STK10: variants seen among roughly 807,000 people sequenced by gnomAD.
STK10 encodes the protein serine/threonine kinase 10, also known as serine/threonine-protein kinase 10.
Under a neutral mutation model 113.8 loss-of-function variants are expected in STK10, and 78 were observed. That is an observed-to-expected ratio of 0.69 (90% CI 0.57 to 0.83). The LOEUF is 0.83. Among genes scored for constraint, STK10 ranks in the 40% least tolerant of loss-of-function variants. The pLI, the probability that STK10 is intolerant of heterozygous loss-of-function variation, is 0.00. For synonymous variants in STK10, 465 were observed against 494.7 expected, an observed-to-expected ratio of 0.94 and a Z score of 0.80; for missense variants, 1,109 against 1,280.1, an observed-to-expected ratio of 0.87 and a Z score of 2.04.
chr5:172,090,614 C>T (rs1471300870), intron 9 of STK10, among the ~76,000 whole-genome samples: 1 of 152,140 alleles, frequency 6.6e-6, no homozygotes, highest in Non-Finnish European at 1.5e-5. Context: ...GCCAGCACCT[C>T]TCATGCATCC....
At chr5:172,154,273 T>G (rs1313030922) in intron 2 of STK10, among the ~76,000 whole-genome samples, 1 of 152,232 alleles carries the variant, frequency 6.6e-6, no homozygotes, top group Non-Finnish European at 1.5e-5. Flanking sequence ...GGTTGTACTT[T>G]GAGAACCACT....
chr5:172,064,764 T>C lies in STK10; in HGVS notation c.2038A>G (p.Met680Val), dbSNP rs1422052045. Residue 680 changes from methionine to valine, a missense_variant, in exon 13 of 19, where the codon ATG (methionine) becomes GTG (valine). By Grantham distance (21) the Met-to-Val change is conservative. This residue lies in a region of STK10 where 885 missense variants were observed against 991.1 expected (regional missense o/e 0.89). Transcript: ENST00000176763. ...GTGTGCTCCTCCATCTTCTGCTTCA[T>C]GCTTTCCTTCCGCTGCTGTCGGGGG... ...KLPRQQRKESMKQKMEEHTQK... is the reference protein window; with the variant it reads ...KLPRQQRKESVKQKMEEHTQK... 6.2e-7 allele frequency: 1 copy of C among 1,614,188 alleles called. No homozygotes were observed. The highest frequency in any genetic ancestry group is 8.5e-7 in the Non-Finnish European group (1 of 1,180,022).
chr5:172,078,811 A>G (rs1253517018), intron 12 of STK10, among the ~76,000 whole-genome samples: 1 of 151,924 alleles, frequency 6.6e-6, no homozygotes, highest in Non-Finnish European at 1.5e-5. Flanking sequence ...GCCTTCCTGG[A>G]ACCCTGCTGG....
intron 2 of STK10, among the ~76,000 whole-genome samples, chr5:172,151,621 G>A (rs1581180311): frequency 6.6e-6 from 1 of 152,326 alleles, no homozygotes; most frequent in Non-Finnish European, 1.5e-5. Context: ...TGAGATTACA[G>A]GCGTGAGCCA....
At chr5:172,061,072 C>G (rs1312197500) in intron 14 of STK10, 67 bp downstream of exon 14, 1 of 1,509,098 alleles carries the variant, frequency 6.6e-7, no homozygotes, top group East Asian at 2.4e-5. Flanking sequence ...GCCCACCCCA[C>G]TTCCCAGGGC....
chr5:172,126,154 G>C (rs1296201967), intron 3 of STK10, among the ~76,000 whole-genome samples: 1 of 152,212 alleles, frequency 6.6e-6, no homozygotes, highest in African/African-American at 2.4e-5. Flanking sequence ...GCCCTGAAGG[G>C]TAGCATGAGC....
Position 172,187,209 on chromosome 5 carries a change from G to C in STK10, c.156+678C>G, listed in dbSNP as rs933695750. ...CTCTCTGCCGCGTCTTCCTCTAGGGGAGAGGTGACTGCAGGCTGGGAGACT... is the reference window on the plus strand; with the variant it reads ...CTCTCTGCCGCGTCTTCCTCTAGGGCAGAGGTGACTGCAGGCTGGGAGACT... On this transcript the variant is annotated intron_variant, in intron 1 of 18. Transcript: ENST00000176763. The surrounding 1 kb of genome is among the most constrained non-coding windows in gnomAD (Gnocchi z 4.6). Among the ~76,000 whole-genome samples the C allele has an allele frequency of 6.6e-6, 1 of 152,100 alleles. No individual in the cohort carries two copies. The highest frequency in any genetic ancestry group is 1.9e-4 in the East Asian group (1 of 5,176).
rs779586304 is a variant in STK10, at chr5:172,052,959, T to C, written c.2736A>G (p.Glu912=). The C allele has an allele frequency of 3.3e-5, 53 of 1,614,084 alleles. No homozygotes were observed. Among genetic ancestry groups the C allele is most frequent in the Non-Finnish European group, 4.2e-5 (49 of 1,180,040 alleles). Residue 912 remains glutamate, a synonymous_variant, in exon 18 of 19, where the codon GAA becomes GAG. Transcript: ENST00000176763. ...LDESHNQNLK[E]WRDKLRPRKK... is the part of the protein sequence containing the mutation. Reference sequence around the variant, plus strand: ...TGCGCGGCCGAAGCTTGTCCCGCCATTCCTTCAGGTTCTGGTTATGGCTCT... The same window carrying C: ...TGCGCGGCCGAAGCTTGTCCCGCCACTCCTTCAGGTTCTGGTTATGGCTCT...
At position 172,093,727 on chromosome 5, in the gene STK10, G is replaced by C. The variant is rs368971519; in HGVS notation, c.1239C>G (p.Ser413=). The part of the protein sequence containing the change: ...GLAVPVPLRK[S]RPVSMDARIQ... Reference sequence around the variant, plus strand: ...TTCTGGCATCCATTGACACGGGTCGGGACTTCCGCAGGGGCACAGGCACTG... The same window carrying C: ...TTCTGGCATCCATTGACACGGGTCGCGACTTCCGCAGGGGCACAGGCACTG... The change falls in exon 9 of 19, where the codon TCC becomes TCG. Residue 413 remains serine (S), a synonymous_variant. Coordinates refer to ENST00000176763, the MANE Select transcript of STK10 (RefSeq NM_005990.4). The surrounding 1 kb of genome is among the most constrained non-coding windows in gnomAD (Gnocchi z 4.1). The C allele has an allele frequency of 3.7e-6, 6 of 1,613,906 alleles. No homozygotes were observed. The African/African-American group carries it at 8.0e-5, about 22-fold the overall frequency.
In STK10 at chr5:172,098,192, G is replaced by A. The variant is rs530431481; in HGVS notation, c.871-1632C>T. ...AGCACCTGGAAAACACATTCAGAAC[G>A]TATATGTTCATCACAAATCATTCTT... is the stretch of plus-strand genomic sequence containing the variant. On this transcript the variant is annotated intron_variant, in intron 7 of 18. Transcript: ENST00000176763. 5.3e-5 allele frequency among the ~76,000 whole-genome samples: 8 copies of A among 152,348 alleles called. No individual in the cohort carries two copies. In the South Asian group the frequency reaches 1.0e-3, roughly 20 times the overall value.
At chr5:172,110,896 G>C (rs1311453622) in intron 4 of STK10, among the ~76,000 whole-genome samples, 3 of 152,166 alleles carry the variant, frequency 2.0e-5, no homozygotes, top group Admixed American at 2.0e-4. Flanking sequence ...TTCAGGCTGG[G>C]GCAAGGCTGA....
intron 8 of STK10, among the ~76,000 whole-genome samples, chr5:172,095,454 T>A (rs1005987287): frequency 6.6e-6 from 1 of 152,172 alleles, no homozygotes. Flanking sequence ...AATCCACCCC[T>A]GGCCCTGCCA....
At chr5:172,113,639 G>A (rs74324375) in intron 4 of STK10, among the ~76,000 whole-genome samples, 2,851 of 152,182 alleles carry the variant, frequency 0.019, 86 homozygotes, top group African/African-American at 0.064. Context: ...TATTGTCACC[G>A]GACACGGTGG....
intron 1 of STK10, among the ~76,000 whole-genome samples, chr5:172,184,334 C>A (rs529244386): frequency 1.3e-5 from 2 of 152,238 alleles, no homozygotes; most frequent in South Asian, 4.2e-4. Context: ...GAGTAGGCAG[C>A]CTGGGTGACA....
At chr5:172,141,860 C>G (rs1457427991) in intron 2 of STK10, among the ~76,000 whole-genome samples, 2 of 152,140 alleles carry the variant, frequency 1.3e-5, no homozygotes, top group Non-Finnish European at 2.9e-5. Context: ...GTTCCATGAC[C>G]CCCATCAGTT....
chr5:172,159,069 A>G (rs976966835), intron 1 of STK10, among the ~76,000 whole-genome samples: 1 of 152,214 alleles, frequency 6.6e-6, no homozygotes, highest in Admixed American at 6.5e-5. Flanking sequence ...AATTCAAAAG[A>G]GAGAGAAATA....
intron 2 of STK10, among the ~76,000 whole-genome samples, chr5:172,131,097 G>A (rs1372909444): frequency 1.5e-4 from 21 of 144,772 alleles, no homozygotes; most frequent in Admixed American, 4.9e-4. Flanking sequence ...GCAGTGGCGC[G>A]ATCTTGGCTC....
intron 7 of STK10, among the ~76,000 whole-genome samples, chr5:172,098,879 T>TCAC (rs1422657442): frequency 6.6e-6 from 1 of 151,444 alleles, no homozygotes; most frequent in African/African-American, 2.4e-5. Flanking sequence ...ACCACCACCA[T>TCAC]CATCACCTTC....
At chr5:172,094,773 A>T (rs890745233) in intron 8 of STK10, among the ~76,000 whole-genome samples, 11 of 152,204 alleles carry the variant, frequency 7.2e-5, no homozygotes, top group South Asian at 4.1e-4. Flanking sequence ...CATATTTTTT[A>T]AAAAATCATA....
Sources: gnomAD v4.1 joint callset for allele counts (sites outside exome capture counted in the v4.1 genomes callset) on GRCh38, gnomAD v4.1.1 for gene constraint, gnomAD v4.1.1 regional missense constraint, Gnocchi (gnomAD v3.1) non-coding constraint, MANE v1.5 for transcripts, NCBI Gene and HGNC (gene_info 2026-07-23, HGNC 2026-07-21) for gene names.